The following RYR1 variants were observed in gnomAD, a reference collection of about 807,000 sequenced individuals.
RYR1 encodes ryanodine receptor 1.
In RYR1, 342 loss-of-function variants were observed where a neutral mutation model predicts 583.5. That is an observed-to-expected ratio of 0.59 (90% CI 0.54 to 0.64). The LOEUF is 0.64. Among genes scored for constraint, RYR1 ranks in the 30% least tolerant of loss-of-function variants. The pLI is 0.00. For missense variants in RYR1, 6,032 were observed against 6,917.2 expected (o/e 0.87, Z 4.54); for synonymous variants, 2,791 against 2,822.5 (o/e 0.99, Z 0.35).
Position 38,515,019 on chromosome 19 carries a change from C to G in RYR1, c.9473-7C>G, listed in dbSNP as rs768275402. ...CATGCCGCAGCCTCGCCCCCTGTCT[C>G]CCTCAGTGGACGACGTCCAGGTCTC... On this transcript the variant is annotated splice_polypyrimidine_tract_variant and splice_region_variant and intron_variant, in intron 63 of 105. Transcript: ENST00000359596. 1.9e-6 allele frequency: 3 copies of G among 1,609,848 alleles called. No individual in the cohort carries two copies. Among genetic ancestry groups the G allele is most frequent in the Non-Finnish European group, 2.5e-6 (3 of 1,177,052 alleles).
chr19:38,433,947 G>A (rs1972313928), intron 1 of RYR1, 73 bp downstream of exon 1: 3 of 1,339,350 alleles, frequency 2.2e-6, no homozygotes, highest in Non-Finnish European at 3.2e-6. Context: ...GTCTCTGAAT[G>A]TCCCTGTCCG....
At position 38,496,212 on chromosome 19, in the gene RYR1, C is replaced by T. The variant is rs1253143278; in HGVS notation, c.6549-3C>T. On this transcript the variant is annotated splice_polypyrimidine_tract_variant and splice_region_variant and intron_variant, in intron 39 of 105. Coordinates refer to ENST00000359596, the MANE Select transcript of RYR1 (RefSeq NM_000540.3). This position sits in a 1 kb window ranked among gnomAD's most constrained non-coding sequence, Gnocchi z 4.8. ...TGACCCCGCACACTCTGCCCGTGCA[C>T]AGGAACATCATGAACAACAAAGTCT... The T allele has an allele frequency of 6.2e-7, 1 of 1,613,138 alleles. No individual in the cohort carries two copies. The highest frequency in any genetic ancestry group is 8.5e-7 in the Non-Finnish European group (1 of 1,179,750).
At chr19:38,583,569 C>T (rs905112505) in intron 101 of RYR1, among the ~76,000 whole-genome samples, 2 of 152,058 alleles carry the variant, frequency 1.3e-5, no homozygotes, top group African/African-American at 4.8e-5. Context: ...CTTGTGGCTC[C>T]CCAGCCCACT....
rs1470163038 is a variant in RYR1, at chr19:38,507,770, T to C, written c.8875T>C (p.Phe2959Leu). Residue 2959 changes from phenylalanine to leucine, a missense_variant, in exon 58 of 106, where the codon TTC (phenylalanine) becomes CTC (leucine). Around this residue, in one of 11 missense-constraint regions of RYR1, gnomAD observed 1,493 missense variants for 1,715.5 expected, o/e 0.87. Coordinates refer to ENST00000359596, the MANE Select transcript of RYR1 (RefSeq NM_000540.3). ...CATTGAAAAGCGGTTTGCCTTTGGC[T>C]TCCTGCAGCAGCTGCTGCGCTGGAT... ...SSIEKRFAFG[F>L]LQQLLRWMDI... 1 of 1,614,020 alleles carries C rather than the reference T, an allele frequency of 6.2e-7. No individual in the cohort carries two copies. The highest frequency in any genetic ancestry group is 8.5e-7 in the Non-Finnish European group (1 of 1,179,910).
Position 38,525,428 on chromosome 19 carries a change from C to T in RYR1, c.10552C>T (p.Leu3518=), listed in dbSNP as rs1555790423. The change falls in exon 71 of 106, where the codon CTG becomes TTG. Residue 3518 remains leucine (L), a synonymous_variant. Transcript: ENST00000359596. ...GATCGTGGCCACACTGAAGAAGATG[C>T]TGCCCATCGGCCTGAATATGTGTGC... The part of the protein sequence containing the change: ...SLIVATLKKM[L]PIGLNMCAPT... 1 of 1,614,054 alleles carries T rather than the reference C, an allele frequency of 6.2e-7. No homozygotes were observed. Among genetic ancestry groups the T allele is most frequent in the Non-Finnish European group, 8.5e-7 (1 of 1,179,982 alleles).
At chr19:38,510,930 C>G in intron 60 of RYR1, 149 bp downstream of exon 60, 1 of 1,230,830 alleles carries the variant, frequency 8.1e-7, no homozygotes, top group Non-Finnish European at 1.1e-6. Flanking sequence ...CCTAGTGTAC[C>G]CGGGACTGAA....
At position 38,536,768 on chromosome 19, in the gene RYR1, G is replaced by GT; in HGVS notation, c.11608+2dup. 1 of 1,613,668 alleles carries GT rather than the reference G, an allele frequency of 6.2e-7. No individual in the cohort carries two copies. Among genetic ancestry groups the GT allele is most frequent in the Non-Finnish European group, 8.5e-7 (1 of 1,179,864 alleles). ...GCCCCAGTCATCAATCGCCAGAACG[G>GT]TAATTCCCCCAGCCCACCCCCGTGC... On this transcript the variant is annotated splice_donor_variant, in intron 83 of 105. Transcript: ENST00000359596. LOFTEE classifies it high-confidence loss of function.
intron 38 of RYR1, among the ~76,000 whole-genome samples, chr19:38,493,147 A>G (rs1025178254): frequency 3.9e-5 from 6 of 152,118 alleles, no homozygotes; most frequent in Admixed American, 6.6e-5. Flanking sequence ...GTGTTGGACC[A>G]GGGTGACACA....
At chr19:38,494,021 A>G (rs894002185) in intron 38 of RYR1, among the ~76,000 whole-genome samples, 3 of 152,148 alleles carry the variant, frequency 2.0e-5, no homozygotes, top group Non-Finnish European at 4.4e-5. Flanking sequence ...AAAGTTTGCC[A>G]GGCTGGGCAC....
intron 93 of RYR1, among the ~76,000 whole-genome samples, chr19:38,569,470 A>C (rs1379361266): frequency 6.6e-6 from 1 of 151,732 alleles, no homozygotes; most frequent in Non-Finnish European, 1.5e-5. Context: ...CGGGAGGATC[A>C]CTTAAGCACA....
At chr19:38,562,444 CTTG>C (rs574375760) in intron 90 of RYR1, among the ~76,000 whole-genome samples, 93 of 152,116 alleles carry the variant, frequency 6.1e-4, no homozygotes, top group Non-Finnish European at 1.1e-3. Context: ...CACACACTTG[CTTG>C]TTGTTCCTCA....
chr19:38,520,431 A>C (rs1306644292), intron 67 of RYR1, among the ~76,000 whole-genome samples: 1 of 150,112 alleles, frequency 6.7e-6, no homozygotes, highest in South Asian at 2.1e-4. Context: ...GTGGTGGCTC[A>C]TGCCTGTAAT....
intron 89 of RYR1, among the ~76,000 whole-genome samples, chr19:38,552,766 T>C (rs1972719757): frequency 6.6e-6 from 1 of 152,018 alleles, no homozygotes; most frequent in African/African-American, 2.4e-5. Flanking sequence ...TGGCTGGGGG[T>C]CTCAGCCCTA....
At position 38,548,385 on chromosome 19, in the gene RYR1, C is replaced by G. The variant is rs1348116760; in HGVS notation, c.12247C>G (p.Pro4083Ala). ...AGCCTTCCAGGACTACGTAACGGATCCCCGTGGCCTCATCTCCAAGAAGGA... is the reference window on the plus strand; with the variant it reads ...AGCCTTCCAGGACTACGTAACGGATGCCCGTGGCCTCATCTCCAAGAAGGA... ...SEAFQDYVTDPRGLISKKDFQ... is the reference protein window; with the variant it reads ...SEAFQDYVTDARGLISKKDFQ... The change falls in exon 89 of 106, where the codon CCC (proline) becomes GCC (alanine). Residue 4083 changes from proline (P) to alanine (A), a missense_variant. Physicochemically the swap from Pro to Ala is conservative, Grantham distance 27. Around this residue, in one of 11 missense-constraint regions of RYR1, gnomAD observed 753 missense variants for 759.6 expected, o/e 0.99. Transcript: ENST00000359596. 1 of 1,614,070 alleles carries G rather than the reference C, an allele frequency of 6.2e-7. No homozygotes were observed. Among genetic ancestry groups the G allele is most frequent in the Admixed American group, 1.7e-5 (1 of 60,000 alleles).
At chr19:38,442,631 C>T (rs1019220069) in intron 3 of RYR1, among the ~76,000 whole-genome samples, 178 bp downstream of exon 3, 9 of 152,068 alleles carry the variant, frequency 5.9e-5, no homozygotes, top group African/African-American at 1.4e-4. Context: ...TGGGTAGGTC[C>T]GGCCTTGGAT....
rs1014124025 is a variant in RYR1 at position 38,564,517 on chromosome 19, C to CT, written c.12625-427dup. ...CCTAGGAGACAGAGCTAGATCTTGT[C>CT]TTTTTTTTTTTTTTTCTTGAGACAG... On this transcript the variant is annotated intron_variant, in intron 90 of 105. Transcript: ENST00000359596. 6.7e-3 allele frequency among the ~76,000 whole-genome samples: 960 copies of CT among 143,512 alleles called. 10 individuals are homozygous for CT. The highest frequency in any genetic ancestry group is 0.035 in the South Asian group (158 of 4,524). The allele number at this position is 143,512 out of a possible 152,430, so 94.1% of individuals were successfully genotyped here.
At position 38,520,515 on chromosome 19, in the gene RYR1, C is replaced by T. The variant is rs540180408; in HGVS notation, c.10259+1061C>T. ...TTTGAGACCAGCCTGGCCAACGTGG[C>T]GAAACCCTGTCTCTATTATGAATAC... is the stretch of plus-strand genomic sequence containing the variant. On this transcript the variant is annotated intron_variant, in intron 67 of 105. Transcript: ENST00000359596. Among the ~76,000 whole-genome samples, 26 of 151,358 alleles carry T rather than the reference C, an allele frequency of 1.7e-4. No individual in the cohort carries two copies. The South Asian group carries it at 5.0e-3, about 29-fold the overall frequency.
chr19:38,562,235 T>C (rs1276353485), intron 90 of RYR1, among the ~76,000 whole-genome samples: 2 of 152,078 alleles, frequency 1.3e-5, no homozygotes, highest in African/African-American at 4.8e-5. Context: ...TAATCTGACA[T>C]GCCCTATCTC....
Position 38,455,471 on chromosome 19 carries a change from C to T in RYR1, c.1597C>T (p.Arg533Cys), listed in dbSNP as rs193922768. 5.0e-6 allele frequency: 8 copies of T among 1,614,036 alleles called. No homozygotes were observed. The highest frequency in any genetic ancestry group is 1.3e-5 in the African/African-American group (1 of 74,908). Residue 533 changes from arginine (R) to cysteine (C), a missense_variant, in exon 15 of 106, where the codon CGT becomes TGT. Arg to Cys is a radical substitution (Grantham distance 180, BLOSUM62 -3). Around this residue, in one of 11 missense-constraint regions of RYR1, gnomAD observed 2,627 missense variants for 2,961.3 expected, o/e 0.89. Coordinates refer to ENST00000359596, the MANE Select transcript of RYR1 (RefSeq NM_000540.3). Reference sequence around the variant, plus strand: ...CTCAGCTTCTCTAATCCGTGGCAATCGTAGCAACTGTGCCCTCTTCTCCAC... The same window carrying T: ...CTCAGCTTCTCTAATCCGTGGCAATTGTAGCAACTGTGCCCTCTTCTCCAC... ...ELLASLIRGNRSNCALFSTNL... is the reference protein window; with the variant it reads ...ELLASLIRGNCSNCALFSTNL...
Sources: gnomAD v4.1 joint callset for allele counts (sites outside exome capture counted in the v4.1 genomes callset) on GRCh38, gnomAD v4.1.1 for gene constraint, gnomAD v4.1.1 regional missense constraint, Gnocchi (gnomAD v3.1) non-coding constraint, MANE v1.5 for transcripts, NCBI Gene and HGNC (gene_info 2026-07-23, HGNC 2026-07-21) for gene names.